Variants in TUT4 observed in about 807,000 individuals in gnomAD.
TUT4 encodes the protein terminal uridylyltransferase 4.
Under a neutral mutation model 192.2 loss-of-function variants are expected in TUT4, and 36 were observed. That is an observed-to-expected ratio of 0.19 (90% CI 0.14 to 0.25). The LOEUF is 0.25. Among genes scored for constraint, TUT4 ranks in the 10% least tolerant of loss-of-function variants. The probability of loss-of-function intolerance (pLI) is 1.00; values close to 1 mark genes in which losing one functional copy is unlikely to be tolerated. For missense variants in TUT4, 1,493 were observed against 1,957.2 expected (o/e 0.76, Z 4.47); for synonymous variants, 618 against 666.0 (o/e 0.93, Z 1.11).
chr1:52,441,909 C>T (rs1207372589), intron 24 of TUT4, among the ~76,000 whole-genome samples: 2 of 152,018 alleles, frequency 1.3e-5, no homozygotes, highest in African/African-American at 2.4e-5. Context: ...TGGCTCACAC[C>T]TGTAATCCCA....
At chr1:52,507,469 A>ATT (rs113341868) in intron 4 of TUT4, among the ~76,000 whole-genome samples, 2 of 148,514 alleles carry the variant, frequency 1.3e-5, no homozygotes, top group Admixed American at 1.3e-4. Flanking sequence ...ATATTTCTGT[A>ATT]TTTTTTTTTT....
chr1:52,544,383 C>T (rs1327697952), intron 1 of TUT4, among the ~76,000 whole-genome samples: 1 of 151,802 alleles, frequency 6.6e-6, no homozygotes, highest in Non-Finnish European at 1.5e-5. Flanking sequence ...GAAATAAACC[C>T]TCACATATGT....
At chr1:52,539,574 T>G (rs1685928600) in intron 1 of TUT4, among the ~76,000 whole-genome samples, 1 of 152,060 alleles carries the variant, frequency 6.6e-6, no homozygotes, top group South Asian at 2.1e-4. Flanking sequence ...GTCCCGGAGC[T>G]CTTACAAATT....
intron 2 of TUT4, among the ~76,000 whole-genome samples, chr1:52,523,194 T>G (rs926499507): frequency 6.6e-6 from 1 of 151,642 alleles, no homozygotes. Context: ...GATTTCACCA[T>G]GTTGGCCAGG....
chr1:52,473,575 A>G (rs1452247887), intron 13 of TUT4, among the ~76,000 whole-genome samples: 1 of 152,210 alleles, frequency 6.6e-6, no homozygotes, highest in Non-Finnish European at 1.5e-5. Context: ...AATGCTAGCC[A>G]TACCTTAATA....
At chr1:52,519,497 T>C (rs1679635434) in intron 2 of TUT4, among the ~76,000 whole-genome samples, 2 of 152,092 alleles carry the variant, frequency 1.3e-5, no homozygotes, top group African/African-American at 4.8e-5. Context: ...AATACTTAGA[T>C]TTTTAGTAAA....
chr1:52,493,797 A>T, intron 6 of TUT4, 135 bp from the exon 7 acceptor site: 1 of 653,660 alleles, frequency 1.5e-6, no homozygotes, highest in Non-Finnish European at 2.6e-6. Context: ...TGAAAACAGA[A>T]TCGTGTTTTT....
chr1:52,445,023 A>G (rs1657100946), intron 24 of TUT4, among the ~76,000 whole-genome samples: 2 of 129,084 alleles, frequency 1.5e-5, no homozygotes, highest in South Asian at 2.3e-4. Context: ...ATATATGTAT[A>G]TATGTGTATA....
At chr1:52,443,465 T>C (rs557025606) in intron 24 of TUT4, among the ~76,000 whole-genome samples, 2 of 151,782 alleles carry the variant, frequency 1.3e-5, no homozygotes, top group Non-Finnish European at 2.9e-5. Flanking sequence ...GGCGCGTGCC[T>C]GTAATCCCAG....
chr1:52,480,200 C>G (rs2148952064), intron 11 of TUT4, among the ~76,000 whole-genome samples: 1 of 151,912 alleles, frequency 6.6e-6, no homozygotes, highest in Non-Finnish European at 1.5e-5. Flanking sequence ...AAAAAGGGAT[C>G]GTGAACTACA....
intron 16 of TUT4, among the ~76,000 whole-genome samples, chr1:52,464,204 C>T (rs1345366788): frequency 1.3e-5 from 2 of 152,044 alleles, no homozygotes; most frequent in Non-Finnish European, 2.9e-5. Flanking sequence ...GTTAGTTCTC[C>T]TCCCCGCCCA....
At chr1:52,445,899 T>C (rs1406900951) in intron 23 of TUT4, 30 bp from the exon 24 acceptor site, 4 of 1,600,276 alleles carry the variant, frequency 2.5e-6, no homozygotes, top group Non-Finnish European at 2.6e-6. Flanking sequence ...ACAATAAAGA[T>C]GCAGACATTA....
At chr1:52,516,165 T>C in intron 2 of TUT4, 111 bp from the exon 3 acceptor site, 1 of 881,534 alleles carries the variant, frequency 1.1e-6, no homozygotes, top group Non-Finnish European at 1.7e-6. Flanking sequence ...TTTCCTTATA[T>C]TTTCCTTAGG....
At chr1:52,532,257 C>T (rs1683671676) in intron 1 of TUT4, among the ~76,000 whole-genome samples, 1 of 152,038 alleles carries the variant, frequency 6.6e-6, no homozygotes, top group Non-Finnish European at 1.5e-5. Context: ...AAGCAACTAC[C>T]TACTTTCAGT....
At chr1:52,465,444 T>C (rs897932073) in intron 15 of TUT4, among the ~76,000 whole-genome samples, 1 of 152,214 alleles carries the variant, frequency 6.6e-6, no homozygotes, top group Non-Finnish European at 1.5e-5. Context: ...CCAAATCTAT[T>C]ACTATTTCTA....
rs71579929 is a variant in TUT4, at chr1:52,466,645, C to CAA, written c.2966-1474_2966-1473dup. The stretch of plus-strand genomic sequence containing the variant: ...CGGGTGACAGAGTAATATCCTATTT[C>CAA]AAAAAAAAAAAAAAATATATATATA... On this transcript the variant is annotated intron_variant, in intron 15 of 29. Coordinates refer to ENST00000257177, the MANE Select transcript of TUT4 (RefSeq NM_001009881.3). Among the ~76,000 whole-genome samples, 1,004 of 118,274 alleles carry CAA rather than the reference C, an allele frequency of 8.5e-3. 10 individuals are homozygous for CAA. The highest frequency in any genetic ancestry group is 0.027 in the African/African-American group (770 of 28,596). The allele number at this position is 118,274 out of a possible 152,430, so 77.6% of individuals were successfully genotyped here.
intron 4 of TUT4, among the ~76,000 whole-genome samples, chr1:52,503,001 C>T (rs1388637726): frequency 6.6e-6 from 1 of 152,232 alleles, no homozygotes; most frequent in Non-Finnish European, 1.5e-5. Flanking sequence ...GACCTGGCAC[C>T]GTGCCAAGTG....
At chr1:52,446,790 A>G in intron 20 of TUT4, 123 bp from the exon 21 acceptor site, 2 of 644,980 alleles carry the variant, frequency 3.1e-6, no homozygotes, top group Non-Finnish European at 5.2e-6. Context: ...CAAAAAGAAC[A>G]TGTCAGGATG....
chr1:52,509,777 T>C, intron 3 of TUT4, 65 bp from the exon 4 acceptor site: 2 of 898,374 alleles, frequency 2.2e-6, no homozygotes, highest in Non-Finnish European at 3.7e-6. Flanking sequence ...ATTGACTATA[T>C]AAGTGAATAA....
Sources: allele counts gnomAD v4.1 joint callset (sites outside exome capture counted in the v4.1 genomes callset), GRCh38; gene constraint gnomAD v4.1.1; transcripts MANE v1.5; gene names NCBI Gene and HGNC (gene_info 2026-07-23, HGNC 2026-07-21).